ZSWIM5: variants seen among roughly 807,000 people sequenced by gnomAD.
The protein encoded by ZSWIM5 is zinc finger SWIM domain-containing protein 5.
In ZSWIM5, 55 loss-of-function variants were observed where a neutral mutation model predicts 119.6. The ratio of observed to expected loss-of-function variants is 0.46; its 90% CI spans 0.37 to 0.58. The LOEUF is 0.58. Among genes scored for constraint, ZSWIM5 ranks in the 20% least tolerant of loss-of-function variants. ZSWIM5 has a pLI of 0.00. For synonymous variants in ZSWIM5, 537 were observed against 606.9 expected, an observed-to-expected ratio of 0.88 and a Z score of 1.69; for missense variants, 1,193 against 1,512.8, an observed-to-expected ratio of 0.79 and a Z score of 3.51.
At chr1:45,194,386 C>CA (rs952946434) in intron 1 of ZSWIM5, among the ~76,000 whole-genome samples, 2 of 151,554 alleles carry the variant, frequency 1.3e-5, no homozygotes, top group South Asian at 2.1e-4. Flanking sequence ...TTTTTTTTAA[C>CA]AAAAAAGGTA....
intron 5 of ZSWIM5, among the ~76,000 whole-genome samples, chr1:45,045,960 A>G (rs1433265193): frequency 2.0e-5 from 3 of 152,088 alleles, no homozygotes; most frequent in African/African-American, 4.8e-5. Context: ...TCTCCAGGCA[A>G]AAGGAACCGC....
intron 1 of ZSWIM5, among the ~76,000 whole-genome samples, chr1:45,168,172 T>G (rs957480512): frequency 6.6e-6 from 1 of 152,008 alleles, no homozygotes; most frequent in Non-Finnish European, 1.5e-5. Flanking sequence ...ATGTCCTTTG[T>G]AGGGACATGG....
chr1:45,018,737 G>A lies in ZSWIM5; in HGVS notation c.3275C>T (p.Pro1092Leu). 1 of 1,614,250 alleles carries A rather than the reference G, an allele frequency of 6.2e-7. No homozygotes were observed. The highest frequency in any genetic ancestry group is 8.5e-7 in the Non-Finnish European group (1 of 1,180,048). ...TVTAPGLAGI[P>L]GRRSSGKLMS... is the part of the protein sequence containing the mutation. ...GAGCTTTCCAGAGCTTCGGCGGCCT[G>A]GGATGCCGGCCAGGCCAGGTGCAGT... The change falls in exon 14 of 14, where the codon CCA becomes CTA. Residue 1092 changes from proline to leucine, a missense_variant. Physicochemically the swap from Pro to Leu is moderately conservative, Grantham distance 98 (BLOSUM62 -3). This residue lies in a region of ZSWIM5 where 961 missense variants were observed against 1,290.0 expected (regional missense o/e 0.74). Coordinates refer to ENST00000359600, the MANE Select transcript of ZSWIM5 (RefSeq NM_020883.2). This position sits in a 1 kb window ranked among gnomAD's most constrained non-coding sequence, Gnocchi z 6.7.
At chr1:45,075,249 C>T (rs1205364465) in intron 2 of ZSWIM5, among the ~76,000 whole-genome samples, 1 of 151,902 alleles carries the variant, frequency 6.6e-6, no homozygotes, top group Non-Finnish European at 1.5e-5. Flanking sequence ...CAGATTAAAT[C>T]CAATGTTTCT....
At chr1:45,169,468 T>G (rs2149044822) in intron 1 of ZSWIM5, among the ~76,000 whole-genome samples, 1 of 152,160 alleles carries the variant, frequency 6.6e-6, no homozygotes, top group Non-Finnish European at 1.5e-5. Context: ...TAATCAAGAC[T>G]AAGGAGCTAG....
At chr1:45,074,330 T>G (rs1260567466) in intron 2 of ZSWIM5, among the ~76,000 whole-genome samples, 3 of 152,004 alleles carry the variant, frequency 2.0e-5, no homozygotes. Context: ...TTTAAATGTT[T>G]GGTAGAATTC....
At chr1:45,205,668 C>T (rs1214123869) in intron 1 of ZSWIM5, 88 bp downstream of exon 1, 2 of 1,327,548 alleles carry the variant, frequency 1.5e-6, no homozygotes, top group African/African-American at 1.6e-5. Context: ...GGCAGAAGGC[C>T]GGGGTCTCGG....
chr1:45,126,587 G>A (rs924327699), intron 1 of ZSWIM5, among the ~76,000 whole-genome samples: 3 of 151,976 alleles, frequency 2.0e-5, no homozygotes, highest in African/African-American at 7.3e-5. Flanking sequence ...TTATTTTACT[G>A]GAGAATCCTA....
chr1:45,153,145 G>A (rs1378734098), intron 1 of ZSWIM5, among the ~76,000 whole-genome samples: 1 of 148,850 alleles, frequency 6.7e-6, no homozygotes, highest in Non-Finnish European at 1.5e-5. Context: ...TGAGACTGCA[G>A]AGAAAAAAAA....
intron 2 of ZSWIM5, among the ~76,000 whole-genome samples, chr1:45,078,225 T>C (rs1340562907): frequency 6.6e-6 from 1 of 152,220 alleles, no homozygotes; most frequent in Non-Finnish European, 1.5e-5. Context: ...CTAATAAATG[T>C]CCATAAAATC....
intron 11 of ZSWIM5, 108 bp downstream of exon 11, chr1:45,034,204 T>A: frequency 7.4e-7 from 1 of 1,343,480 alleles, no homozygotes; most frequent in South Asian, 1.6e-5. Flanking sequence ...TCACTCTAAA[T>A]GGTCAAGGAG....
rs540223130 is a variant in ZSWIM5 at position 45,110,564 on chromosome 1, T to C, written c.596-22327A>G. On this transcript the variant is annotated intron_variant, in intron 1 of 13. Coordinates refer to ENST00000359600, the MANE Select transcript of ZSWIM5 (RefSeq NM_020883.2). ...AGCTGAAAGATAAAAATCTAAAGAA[T>C]TCATGTAGATCAAGAGCCAAGTAAG... is the stretch of plus-strand genomic sequence containing the variant. 2.0e-5 allele frequency among the ~76,000 whole-genome samples: 3 copies of C among 152,274 alleles called. No individual in the cohort carries two copies. The South Asian group carries it at 6.2e-4, about 32-fold the overall frequency.
Position 45,206,179 on chromosome 1 carries a change from G to T in ZSWIM5, c.172C>A (p.Pro58Thr). The T allele has an allele frequency of 6.2e-7, 1 of 1,605,754 alleles. No individual in the cohort carries two copies. Among genetic ancestry groups the T allele is most frequent in the Non-Finnish European group, 8.5e-7 (1 of 1,177,198 alleles). ...GSSCLVLGAR[P>T]HLQPDSLLDC... ...AGTAAGGAATCCGGCTGCAGGTGGG[G>T]GCGGGCCCCGAGGACCAGGCAGCTG... Residue 58 changes from proline to threonine, a missense_variant, in exon 1 of 14, where the codon CCC (proline) becomes ACC (threonine). Physicochemically the swap from Pro to Thr is conservative, Grantham distance 38 (BLOSUM62 -1). Coordinates refer to ENST00000359600, the MANE Select transcript of ZSWIM5 (RefSeq NM_020883.2).
intron 1 of ZSWIM5, among the ~76,000 whole-genome samples, chr1:45,120,664 G>A (rs576401441): frequency 6.6e-6 from 1 of 150,978 alleles, no homozygotes; most frequent in South Asian, 2.1e-4. Flanking sequence ...TTGTAGACAT[G>A]GGGGTCTCCC....
At chr1:45,038,464 A>G (rs1644998678) in intron 8 of ZSWIM5, among the ~76,000 whole-genome samples, 1 of 152,086 alleles carries the variant, frequency 6.6e-6, no homozygotes, top group Non-Finnish European at 1.5e-5. Context: ...AGGCCAGACC[A>G]AAGGGTAGGA....
intron 1 of ZSWIM5, among the ~76,000 whole-genome samples, chr1:45,111,466 A>C (rs1438349090): frequency 1.3e-5 from 2 of 152,262 alleles, no homozygotes; most frequent in Non-Finnish European, 2.9e-5. Context: ...TGCTGTAACA[A>C]ATTACCACAA....
intron 1 of ZSWIM5, among the ~76,000 whole-genome samples, chr1:45,150,976 C>T (rs531016601): frequency 1.3e-5 from 2 of 152,278 alleles, no homozygotes; most frequent in African/African-American, 4.8e-5. Flanking sequence ...TCCCCTTGCT[C>T]AACATTCACG....
intron 1 of ZSWIM5, among the ~76,000 whole-genome samples, chr1:45,138,442 T>C (rs1332424280): frequency 6.8e-6 from 1 of 147,788 alleles, no homozygotes; most frequent in Non-Finnish European, 1.5e-5. Context: ...GAGAAGGAGG[T>C]TGCAGTGAGC....
intron 1 of ZSWIM5, among the ~76,000 whole-genome samples, chr1:45,106,555 C>T (rs1436973136): frequency 3.4e-5 from 5 of 146,522 alleles, no homozygotes; most frequent in South Asian, 4.4e-4. Flanking sequence ...ATGTGAGGAG[C>T]GCCTCTGCCC....
Sources: gnomAD v4.1 joint callset for allele counts (sites outside exome capture counted in the v4.1 genomes callset) on GRCh38, gnomAD v4.1.1 for gene constraint, gnomAD v4.1.1 regional missense constraint, Gnocchi (gnomAD v3.1) non-coding constraint, MANE v1.5 for transcripts, NCBI Gene and HGNC (gene_info 2026-07-23, HGNC 2026-07-21) for gene names.